Variants in MEGF11 observed in about 807,000 individuals in gnomAD.
The protein encoded by MEGF11 is multiple epidermal growth factor-like domains protein 11.
Under a neutral mutation model 146.6 loss-of-function variants are expected in MEGF11, and 126 were observed. That is an observed-to-expected ratio of 0.86 (90% CI 0.74 to 1.00). The LOEUF is 1.00. Ranked by LOEUF, MEGF11 falls within the 50% of genes least tolerant of loss-of-function variation. The probability of loss-of-function intolerance (pLI) is 0.00; values close to 1 mark genes in which losing one functional copy is unlikely to be tolerated. For synonymous variants in MEGF11, 532 were observed against 583.4 expected (o/e 0.91, Z 1.27); for missense variants, 1,509 against 1,521.2 (o/e 0.99, Z 0.13).
At position 65,928,421 on chromosome 15, in the gene MEGF11, TTA is replaced by T. The variant is rs2079449947; in HGVS notation, c.1675+2_1675+3del. ...TGGGTGGTGGCACAGCAAGGGAAGGTTACCTGTCCATCCGGCCAGGCAGCAGC... is the reference window on the plus strand; with the variant it reads ...TGGGTGGTGGCACAGCAAGGGAAGGTCCTGTCCATCCGGCCAGGCAGCAGC... On this transcript the variant is annotated splice_donor_variant and splice_donor_region_variant and intron_variant, in intron 13 of 25. Coordinates refer to ENST00000395614, the MANE Select transcript of MEGF11 (RefSeq NM_001385028.1). LOFTEE classifies it high-confidence loss of function. 6.3e-7 allele frequency: 1 copy of T among 1,582,764 alleles called. No individual in the cohort carries two copies. Among genetic ancestry groups the T allele is most frequent in the African/African-American group, 1.3e-5 (1 of 74,232 alleles).
intron 1 of MEGF11, among the ~76,000 whole-genome samples, chr15:66,179,500 C>G (rs1048087269): frequency 6.6e-6 from 1 of 152,148 alleles, no homozygotes; most frequent in Non-Finnish European, 1.5e-5. Context: ...CAAAGCAACT[C>G]GCAGACCTTC....
intron 1 of MEGF11, among the ~76,000 whole-genome samples, chr15:66,229,355 T>C (rs1011271428): frequency 3.3e-5 from 5 of 151,946 alleles, no homozygotes; most frequent in Admixed American, 2.6e-4. Flanking sequence ...GCGACCTGGA[T>C]ATGCACGTGT....
At chr15:65,950,945 A>G (rs1368951879) in intron 10 of MEGF11, among the ~76,000 whole-genome samples, 1 of 152,220 alleles carries the variant, frequency 6.6e-6, no homozygotes, top group Non-Finnish European at 1.5e-5. Context: ...CCTTACTGTA[A>G]AGCTCAGGAA....
chr15:66,251,644 T>A (rs1282997066), intron 1 of MEGF11, among the ~76,000 whole-genome samples: 4 of 152,190 alleles, frequency 2.6e-5, no homozygotes, highest in Admixed American at 2.0e-4. Context: ...GTGGCCTAAC[T>A]GGGAACACTT....
rs544552800 is a variant in MEGF11 at position 65,939,639 on chromosome 15, C to T, written c.1288-8696G>A. Reference sequence around the variant, plus strand: ...CCTCCTGAGTAGCTGGCATTACAGGCGCATGCCACCACACCTGGCTAATTT... The same window carrying T: ...CCTCCTGAGTAGCTGGCATTACAGGTGCATGCCACCACACCTGGCTAATTT... On this transcript the variant is annotated intron_variant, in intron 10 of 25. Coordinates refer to ENST00000395614, the MANE Select transcript of MEGF11 (RefSeq NM_001385028.1). 6.6e-4 allele frequency among the ~76,000 whole-genome samples: 100 copies of T among 152,154 alleles called. 2 individuals carry two copies. The highest frequency in any genetic ancestry group is 4.6e-3 in the South Asian group (22 of 4,810).
intron 5 of MEGF11, among the ~76,000 whole-genome samples, chr15:66,057,229 A>C (rs955765351): frequency 6.6e-6 from 1 of 152,166 alleles, no homozygotes; most frequent in Non-Finnish European, 1.5e-5. Context: ...TCGGTGAAGC[A>C]AAACGAGGGT....
At chr15:66,041,417 T>G (rs565252082) in intron 5 of MEGF11, among the ~76,000 whole-genome samples, 1 of 152,250 alleles carries the variant, frequency 6.6e-6, no homozygotes, top group East Asian at 1.9e-4. Context: ...TCCATGACAG[T>G]GAATGGAACT....
chr15:66,251,259 A>T lies in MEGF11; in HGVS notation c.-9+2346T>A, dbSNP rs140621928. ...CTTAGGACTCAAGCCCTGTATCCTG[A>T]CAACCCTCCTTCCCCAAATGGAAAC... On this transcript the variant is annotated intron_variant, in intron 1 of 25. Transcript: ENST00000395614. Among the ~76,000 whole-genome samples the T allele has an allele frequency of 9.5e-4, 144 of 152,274 alleles. 1 individual carries two copies. Among genetic ancestry groups the T allele is most frequent in the African/African-American group, 3.3e-3 (137 of 41,548 alleles).
intron 13 of MEGF11, among the ~76,000 whole-genome samples, chr15:65,925,405 T>G (rs1052294273): frequency 6.6e-6 from 1 of 152,208 alleles, no homozygotes; most frequent in Non-Finnish European, 1.5e-5. Flanking sequence ...GTGGGGCTGT[T>G]TGTGGTTCTT....
intron 5 of MEGF11, among the ~76,000 whole-genome samples, chr15:66,024,083 G>T (rs1013915017): frequency 6.6e-6 from 1 of 152,166 alleles, no homozygotes; most frequent in Non-Finnish European, 1.5e-5. Flanking sequence ...GGGTGGGGCT[G>T]GTTCGTTCCT....
At chr15:66,150,645 G>GAAGGAAGGAAGGAAGGAAGA (rs1835217066) in intron 1 of MEGF11, among the ~76,000 whole-genome samples, 4 of 150,742 alleles carry the variant, frequency 2.7e-5, no homozygotes, top group Admixed American at 1.3e-4. Context: ...AGGAAGGAAG[G>GAAGGAAGGAAGGAAGGAAGA]AAGAAAGGAA....
chr15:66,148,341 C>G (rs1363010502), intron 1 of MEGF11, among the ~76,000 whole-genome samples: 2 of 152,212 alleles, frequency 1.3e-5, no homozygotes, highest in East Asian at 3.8e-4. Context: ...ACCTTCAGGT[C>G]TTATCTGCCC....
At chr15:65,920,691 C>G (rs1052773927) in intron 15 of MEGF11, among the ~76,000 whole-genome samples, 3 of 152,262 alleles carry the variant, frequency 2.0e-5, no homozygotes, top group Admixed American at 2.0e-4. Context: ...TATATTTAAT[C>G]TGTGTTTAAT....
intron 1 of MEGF11, among the ~76,000 whole-genome samples, chr15:66,180,418 A>G (rs762161146): frequency 6.6e-6 from 1 of 151,896 alleles, no homozygotes; most frequent in Non-Finnish European, 1.5e-5. Flanking sequence ...CCCTCCCCAT[A>G]CCCCATCCTG....
chr15:66,036,566 T>C (rs561240643), intron 5 of MEGF11, among the ~76,000 whole-genome samples: 1 of 152,370 alleles, frequency 6.6e-6, no homozygotes, highest in South Asian at 2.1e-4. Context: ...CCAGGTTTTC[T>C]GACAGCCTCA....
At chr15:65,977,176 A>AAAAAAAAAAAAAG (rs2081480130) in intron 7 of MEGF11, among the ~76,000 whole-genome samples, 1 of 149,782 alleles carries the variant, frequency 6.7e-6, no homozygotes, top group Non-Finnish European at 1.5e-5. Context: ...CAAAAAAAAA[A>AAAAAAAAAAAAAG]GAGGATCTTG....
intron 10 of MEGF11, among the ~76,000 whole-genome samples, chr15:65,954,888 C>G (rs777487328): frequency 4.6e-5 from 7 of 152,108 alleles, no homozygotes; most frequent in Non-Finnish European, 8.8e-5. Flanking sequence ...AGGAAAGACC[C>G]CCAGCAGACA....
intron 23 of MEGF11, 79 bp from the exon 24 acceptor site, chr15:65,906,220 T>C (rs1240728424): frequency 9.2e-7 from 1 of 1,088,658 alleles, no homozygotes; most frequent in Non-Finnish European, 1.4e-6. Context: ...CTTTCTTTTC[T>C]TGCTTTTCCC....
intron 1 of MEGF11, among the ~76,000 whole-genome samples, chr15:66,237,183 C>A (rs1043210647): frequency 6.6e-6 from 1 of 152,190 alleles, no homozygotes; most frequent in African/African-American, 2.4e-5. Context: ...TCGTGATTCA[C>A]AGGAGGGCCT....
Sources: gnomAD v4.1 joint callset for allele counts (sites outside exome capture counted in the v4.1 genomes callset) on GRCh38, gnomAD v4.1.1 for gene constraint, MANE v1.5 for transcripts, NCBI Gene and HGNC (gene_info 2026-07-23, HGNC 2026-07-21) for gene names.